ACER2: variants seen among roughly 807,000 people sequenced by gnomAD.
The protein encoded by ACER2 is alkCDase 2.
A neutral mutation model predicts 34.7 loss-of-function variants in ACER2; 26 were observed. The ratio of observed to expected loss-of-function variants is 0.75; its 90% CI spans 0.55 to 1.04. The LOEUF is 1.04. Ranked by LOEUF, ACER2 falls within the 50% of genes least tolerant of loss-of-function variation. The pLI, the probability that ACER2 is intolerant of heterozygous loss-of-function variation, is 0.00. For synonymous variants in ACER2, 138 were observed against 132.1 expected (o/e 1.04, Z -0.31); for missense variants, 352 against 340.8 (o/e 1.03, Z -0.26).
chr9:19,421,779 GA>G (rs147335702), intron 1 of ACER2, among the ~76,000 whole-genome samples: 13,108 of 149,670 alleles, frequency 0.088, 1,037 homozygotes, highest in Middle Eastern at 0.22. Context: ...TTAAAGTTCA[GA>G]AAAAAAAAGC....
intron 5 of ACER2, among the ~76,000 whole-genome samples, chr9:19,449,249 C>A (rs1000795182): frequency 3.9e-5 from 6 of 152,202 alleles, no homozygotes; most frequent in Non-Finnish European, 7.3e-5. Context: ...TTCACAAGTA[C>A]AGAGAATAAT....
intron 3 of ACER2, among the ~76,000 whole-genome samples, chr9:19,430,304 T>C (rs1830713198): frequency 1.3e-5 from 2 of 152,278 alleles, no homozygotes; most frequent in South Asian, 4.1e-4. Flanking sequence ...GGTTGTTAGA[T>C]TTTGGATTAG....
intron 1 of ACER2, 112 bp downstream of exon 1, chr9:19,409,304 C>T (rs1026985680): frequency 3.9e-6 from 4 of 1,036,372 alleles, no homozygotes; most frequent in African/African-American, 1.6e-5. Context: ...GGGGCATTCT[C>T]TCCAGGGGCT....
intron 1 of ACER2, 58 bp downstream of exon 1, chr9:19,409,250 G>C (rs1830010559): frequency 6.7e-7 from 1 of 1,498,522 alleles, no homozygotes; most frequent in Non-Finnish European, 9.1e-7. Context: ...CTGTTCCCGC[G>C]CCGCAGCGTC....
intron 1 of ACER2, among the ~76,000 whole-genome samples, chr9:19,418,677 C>T (rs1197621452): frequency 6.6e-6 from 1 of 152,122 alleles, no homozygotes; most frequent in African/African-American, 2.4e-5. Flanking sequence ...GGAAACATCA[C>T]ACACCGGGGC....
At chr9:19,443,376 C>T (rs960522804) in intron 4 of ACER2, among the ~76,000 whole-genome samples, 5 of 152,172 alleles carry the variant, frequency 3.3e-5, no homozygotes, top group Admixed American at 1.3e-4. Flanking sequence ...CCCTGTCAGC[C>T]AGGATGGTCT....
At chr9:19,436,531 T>A (rs770464705) in intron 4 of ACER2, among the ~76,000 whole-genome samples, 1 of 144,116 alleles carries the variant, frequency 6.9e-6, no homozygotes, top group Non-Finnish European at 1.5e-5. Context: ...TTTTTTATTC[T>A]TTGCCATCTT....
At position 19,423,966 on chromosome 9, in the gene ACER2, G is replaced by T. The variant is rs750343258; in HGVS notation, c.213G>T (p.Leu71Phe). ...NSGIYLIWTLLVVVGIGSVYF... is the reference protein window; with the variant it reads ...NSGIYLIWTLFVVVGIGSVYF... ...GCATCTACTTAATCTGGACTCTTTT[G>T]GTTGTAGTGGGTAAGTGGAGTCATT... The change falls in exon 2 of 6, where the codon TTG becomes TTT. Residue 71 changes from leucine (L) to phenylalanine (F), a missense_variant. Transcript: ENST00000340967. 1.2e-6 allele frequency: 2 copies of T among 1,612,106 alleles called. No homozygotes were observed. Among genetic ancestry groups the T allele is most frequent in the South Asian group, 1.1e-5 (1 of 91,034 alleles).
At chr9:19,446,439 AG>A in intron 5 of ACER2, 21 bp downstream of exon 5, 1 of 1,613,864 alleles carries the variant, frequency 6.2e-7, no homozygotes, top group Non-Finnish European at 8.5e-7. Flanking sequence ...GCTAATGGGG[AG>A]GTGGCCGGGG....
In ACER2 at chr9:19,451,189, C is replaced by A. The variant is rs1831558262; in HGVS notation, c.*553C>A. ...CCAGCCCTGTACAATGCATCTCTTC[C>A]TGGAGAAAGCTGGCCTGCTCCAGAC... On this transcript the variant is annotated 3_prime_UTR_variant, in exon 6 of 6. Transcript: ENST00000340967. 6.6e-6 allele frequency: 1 copy of A among 152,288 alleles called. No homozygotes were observed. Among genetic ancestry groups the A allele is most frequent in the Non-Finnish European group, 1.5e-5 (1 of 68,104 alleles). The allele number at this position is 152,288 out of a possible 1,614,324, so 9.4% of individuals were successfully genotyped here.
At chr9:19,409,404 C>G (rs1237497700) in intron 1 of ACER2, among the ~76,000 whole-genome samples, 2 of 152,206 alleles carry the variant, frequency 1.3e-5, no homozygotes, top group Non-Finnish European at 2.9e-5. Flanking sequence ...CTGGGCTCAT[C>G]TTCCTCCTGC....
chr9:19,440,385 A>G (rs1443670101), intron 4 of ACER2, among the ~76,000 whole-genome samples: 2 of 152,154 alleles, frequency 1.3e-5, no homozygotes, highest in African/African-American at 4.8e-5. Context: ...ACTAATTAAT[A>G]AGGTGATGAT....
At chr9:19,413,336 C>A (rs540141144) in intron 1 of ACER2, among the ~76,000 whole-genome samples, 4 of 152,172 alleles carry the variant, frequency 2.6e-5, no homozygotes, top group African/African-American at 9.7e-5. Context: ...CGGTGGCTCA[C>A]GCCTGTAATC....
intron 1 of ACER2, among the ~76,000 whole-genome samples, chr9:19,416,347 T>C (rs750654053): frequency 6.6e-5 from 10 of 151,910 alleles, no homozygotes; most frequent in Admixed American, 2.0e-4. Flanking sequence ...AGTGGAGGAG[T>C]TAAGCCAAGG....
At chr9:19,446,186 A>C (rs142801682) in intron 4 of ACER2, 95 bp from the exon 5 acceptor site, 4 of 1,572,364 alleles carry the variant, frequency 2.5e-6, no homozygotes, top group African/African-American at 2.7e-5. Context: ...GGTTGTAGGC[A>C]TGAGAGGAAC....
intron 1 of ACER2, among the ~76,000 whole-genome samples, chr9:19,416,829 C>A (rs550718861): frequency 1.3e-5 from 2 of 152,194 alleles, no homozygotes; most frequent in East Asian, 3.9e-4. Flanking sequence ...CACCCGTGCC[C>A]CGCCTAAGGG....
At chr9:19,417,130 C>G (rs1003272788) in intron 1 of ACER2, among the ~76,000 whole-genome samples, 9 of 152,046 alleles carry the variant, frequency 5.9e-5, no homozygotes, top group Admixed American at 2.6e-4. Context: ...ACAATTGCTA[C>G]AAAGAGAATA....
intron 5 of ACER2, among the ~76,000 whole-genome samples, chr9:19,447,379 T>A (rs1412179502): frequency 6.6e-6 from 1 of 152,198 alleles, no homozygotes; most frequent in Non-Finnish European, 1.5e-5. Flanking sequence ...TTTGATATAT[T>A]TGCTATGAGA....
intron 4 of ACER2, 112 bp from the exon 5 acceptor site, chr9:19,446,169 G>A: frequency 6.8e-7 from 1 of 1,466,146 alleles, no homozygotes; most frequent in South Asian, 1.1e-5. Flanking sequence ...GAACTTCAGT[G>A]TCTTGGGGTT....
Sources: allele counts gnomAD v4.1 joint callset (sites outside exome capture counted in the v4.1 genomes callset), GRCh38; gene constraint gnomAD v4.1.1; transcripts MANE v1.5; gene names NCBI Gene and HGNC (gene_info 2026-07-23, HGNC 2026-07-21).